The following KAZN variants were observed in gnomAD, a reference collection of about 807,000 sequenced individuals.
KAZN encodes the protein kazrin.
A neutral mutation model predicts 87.4 loss-of-function variants in KAZN; 40 were observed. The observed-to-expected ratio is 0.46, with a 90% CI of 0.36 to 0.60. KAZN has a LOEUF of 0.60. Among genes scored for constraint, KAZN ranks in the 20% least tolerant of loss-of-function variants. The probability of loss-of-function intolerance (pLI) is 0.00; values close to 1 mark genes in which losing one functional copy is unlikely to be tolerated. For missense variants in KAZN, 898 were observed against 1,073.9 expected, an observed-to-expected ratio of 0.84 and a Z score of 2.29; for synonymous variants, 466 against 458.3, an observed-to-expected ratio of 1.02 and a Z score of -0.22.
intron 1 of KAZN, among the ~76,000 whole-genome samples, chr1:14,069,062 G>T (rs1049106060): frequency 6.6e-6 from 1 of 152,172 alleles, no homozygotes; most frequent in Non-Finnish European, 1.5e-5. Context: ...CTCGCAAAGT[G>T]TTGGGATTAC....
intron 1 of KAZN, among the ~76,000 whole-genome samples, chr1:13,996,639 T>A (rs1356787426): frequency 1.3e-5 from 2 of 152,162 alleles, no homozygotes; most frequent in Non-Finnish European, 2.9e-5. Context: ...CCTCACTGGG[T>A]GGGGCTTCCT....
At chr1:14,142,865 C>T (rs1032509417) in intron 1 of KAZN, among the ~76,000 whole-genome samples, 5 of 152,186 alleles carry the variant, frequency 3.3e-5, no homozygotes, top group Non-Finnish European at 5.9e-5. Flanking sequence ...GAAAAGAAGC[C>T]GCTCTGGCTG....
intron 2 of KAZN, among the ~76,000 whole-genome samples, chr1:14,419,064 C>T (rs970357051): frequency 2.0e-5 from 3 of 152,108 alleles, no homozygotes; most frequent in African/African-American, 4.8e-5. Flanking sequence ...TATTTTTATT[C>T]CTATGTGAGC....
chr1:14,992,382 C>T (rs996319744), intron 2 of KAZN, among the ~76,000 whole-genome samples: 3 of 152,106 alleles, frequency 2.0e-5, no homozygotes, highest in African/African-American at 7.2e-5. Context: ...GTGTGAGCAC[C>T]GTGCCAGCCC....
chr1:14,676,008 G>A (rs531799132), intron 1 of KAZN, among the ~76,000 whole-genome samples: 1 of 152,272 alleles, frequency 6.6e-6, no homozygotes, highest in South Asian at 2.1e-4. Context: ...AAATATAGGG[G>A]AGGTGAAGGA....
chr1:14,241,300 C>T (rs752809939), intron 2 of KAZN, among the ~76,000 whole-genome samples: 1 of 152,204 alleles, frequency 6.6e-6, no homozygotes, highest in South Asian at 2.1e-4. Context: ...CTGGCCTCCA[C>T]TGAAGGTGTG....
chr1:14,407,937 G>C (rs763357846), intron 2 of KAZN, among the ~76,000 whole-genome samples: 5 of 152,158 alleles, frequency 3.3e-5, no homozygotes, highest in Non-Finnish European at 7.3e-5. Context: ...ACTTTATGCA[G>C]GTTCTTTATG....
intron 1 of KAZN, among the ~76,000 whole-genome samples, chr1:14,119,032 CAAAAAAAACAAAAACAA>C (rs1428854490): frequency 6.6e-6 from 1 of 150,898 alleles, no homozygotes; most frequent in Non-Finnish European, 1.5e-5. Flanking sequence ...GCAAAACAAA[CAAAAAAAACAAAAACAA>C]AAACAAAAAA....
At chr1:14,883,349 A>G (rs1177422697) in intron 1 of KAZN, among the ~76,000 whole-genome samples, 8 of 38,088 alleles carry the variant, frequency 2.1e-4, no homozygotes, top group East Asian at 1.9e-3. Context: ...AGAGAAAGAA[A>G]GAAAGAAAAG....
intron 1 of KAZN, among the ~76,000 whole-genome samples, chr1:13,996,476 A>C (rs567843856): frequency 1.3e-5 from 2 of 152,120 alleles, no homozygotes; most frequent in Non-Finnish European, 2.9e-5. Context: ...ATTCATCTCT[A>C]TAGCTCCAGG....
intron 2 of KAZN, among the ~76,000 whole-genome samples, chr1:14,298,160 G>C (rs978757522): frequency 6.6e-6 from 1 of 152,168 alleles, no homozygotes; most frequent in African/African-American, 2.4e-5. Flanking sequence ...AGGAGGTCGA[G>C]GCTGCAGTGA....
chr1:14,931,291 A>T (rs1046123625), intron 1 of KAZN, among the ~76,000 whole-genome samples: 2 of 152,048 alleles, frequency 1.3e-5, no homozygotes, highest in South Asian at 2.1e-4. Flanking sequence ...AAAAAATACA[A>T]AAATGAGCCC....
At chr1:14,178,202 C>T (rs968771218) in intron 1 of KAZN, among the ~76,000 whole-genome samples, 7 of 152,232 alleles carry the variant, frequency 4.6e-5, no homozygotes, top group South Asian at 2.1e-4. Flanking sequence ...CCCAGCCATG[C>T]GGAACTATGC....
At chr1:15,042,132 A>C (rs545406462) in intron 3 of KAZN, among the ~76,000 whole-genome samples, 1 of 152,310 alleles carries the variant, frequency 6.6e-6, no homozygotes, top group South Asian at 2.1e-4. Context: ...GTTCGTGAGT[A>C]GTAGTGTGAA....
chr1:14,564,735 C>T (rs1487007519), intron 2 of KAZN, among the ~76,000 whole-genome samples: 1 of 151,948 alleles, frequency 6.6e-6, no homozygotes, highest in Non-Finnish European at 1.5e-5. Flanking sequence ...ATTGCTTGAA[C>T]CTGGGCAGCA....
chr1:14,060,449 A>G (rs1240495287), intron 1 of KAZN, among the ~76,000 whole-genome samples: 3 of 152,036 alleles, frequency 2.0e-5, no homozygotes, highest in African/African-American at 4.8e-5. Flanking sequence ...AACTGGTTCT[A>G]GAATAGTTTC....
At chr1:14,963,796 A>AC (rs1664154691) in intron 2 of KAZN, among the ~76,000 whole-genome samples, 1 of 150,230 alleles carries the variant, frequency 6.7e-6, no homozygotes, top group South Asian at 2.1e-4. Flanking sequence ...CTACTGCCCA[A>AC]CAGGCCCCAG....
chr1:15,100,086 C>T (rs1159827733), intron 10 of KAZN, among the ~76,000 whole-genome samples: 1 of 152,126 alleles, frequency 6.6e-6, no homozygotes, highest in Non-Finnish European at 1.5e-5. Context: ...CAGAAAAGAG[C>T]TCAGAGCTTA....
intron 2 of KAZN, among the ~76,000 whole-genome samples, chr1:14,505,368 T>C (rs973947910): frequency 6.6e-6 from 1 of 152,176 alleles, no homozygotes; most frequent in African/African-American, 2.4e-5. Flanking sequence ...GACAAGCCAA[T>C]AGATGTCTAC....
Sources: gnomAD v4.1 joint callset for allele counts (sites outside exome capture counted in the v4.1 genomes callset) on GRCh38, gnomAD v4.1.1 for gene constraint, MANE v1.5 for transcripts, NCBI Gene and HGNC (gene_info 2026-07-23, HGNC 2026-07-21) for gene names.